Variants in RERE observed in about 807,000 individuals in gnomAD.
RERE encodes arginine-glutamic acid dipeptide repeats protein.
Under a neutral mutation model 146.1 loss-of-function variants are expected in RERE, and 40 were observed. That is an observed-to-expected ratio of 0.27 (90% CI 0.21 to 0.36). The LOEUF is 0.36. RERE is among the 10% of genes least tolerant of loss of function. The pLI is 1.00. For synonymous variants in RERE, 1,003 were observed against 866.0 expected (o/e 1.16, Z -2.78); for missense variants, 1,933 against 2,138.7 (o/e 0.90, Z 1.90).
chr1:8,401,037 CCATATATATATATATATAT>C (rs1643241214), intron 12 of RERE, among the ~76,000 whole-genome samples: 1 of 5,616 alleles, frequency 1.8e-4, no homozygotes, highest in African/African-American at 3.6e-4. Flanking sequence ...AAAAAAAAAA[CCATATATATATATATATAT>C]ATATATATAT....
At chr1:8,463,190 TTCAG>T (rs946024976) in intron 11 of RERE, among the ~76,000 whole-genome samples, 24 of 152,312 alleles carry the variant, frequency 1.6e-4, no homozygotes, top group Admixed American at 1.4e-3. Flanking sequence ...CTCTCAATTA[TTCAG>T]TCAGTCTCTC....
chr1:8,468,318 C>G (rs1401411965), intron 10 of RERE, among the ~76,000 whole-genome samples: 1 of 152,096 alleles, frequency 6.6e-6, no homozygotes, highest in Non-Finnish European at 1.5e-5. Flanking sequence ...ATAAAAAGAT[C>G]TGAAATAAAG....
At chr1:8,657,882 A>G (rs1206666892) in intron 1 of RERE, among the ~76,000 whole-genome samples, 1 of 152,204 alleles carries the variant, frequency 6.6e-6, no homozygotes, top group Non-Finnish European at 1.5e-5. Flanking sequence ...TTAACAAAAC[A>G]TAACAGCTTC....
chr1:8,796,732 G>T (rs1322962887), intron 1 of RERE: 1 of 151,688 alleles, frequency 6.6e-6, no homozygotes, highest in Non-Finnish European at 1.5e-5. Flanking sequence ...AACAGAAGAG[G>T]CATAAAACTA....
intron 10 of RERE, among the ~76,000 whole-genome samples, chr1:8,473,785 T>A (rs1258109657): frequency 6.6e-6 from 1 of 151,988 alleles, no homozygotes; most frequent in Admixed American, 6.6e-5. Context: ...CACAGAAAAA[T>A]GGAAAGTGCT....
chr1:8,600,696 A>G (rs1646610802), intron 4 of RERE, among the ~76,000 whole-genome samples: 1 of 152,122 alleles, frequency 6.6e-6, no homozygotes, highest in South Asian at 2.1e-4. Flanking sequence ...GCATCTTTAA[A>G]TACTAAAAAA....
chr1:8,815,381 A>C (rs1172318724), intron 1 of RERE, among the ~76,000 whole-genome samples: 1 of 152,224 alleles, frequency 6.6e-6, no homozygotes, highest in Non-Finnish European at 1.5e-5. Context: ...ATCTAGAAAG[A>C]CTCTGCTCAC....
intron 1 of RERE, among the ~76,000 whole-genome samples, chr1:8,774,800 C>T (rs181047803): frequency 3.3e-5 from 5 of 152,102 alleles, no homozygotes; most frequent in Admixed American, 6.5e-5. Context: ...CAAACATGAA[C>T]GTGCTCATTC....
At position 8,665,103 on chromosome 1, in the gene RERE, C is replaced by G. The variant is rs113071064; in HGVS notation, c.-144-8662G>C. On this transcript the variant is annotated intron_variant, in intron 1 of 22. Coordinates refer to ENST00000400908, the MANE Select transcript of RERE (RefSeq NM_001042681.2). ...CAGAACACACCACACTCCTTCCTAC[C>G]CAGAGTCCTTTGCTAAGGTTCTTCC... Among the ~76,000 whole-genome samples the G allele has an allele frequency of 9.9e-3, 1,508 of 152,314 alleles. 26 individuals carry two copies. Among genetic ancestry groups the G allele is most frequent in the African/African-American group, 0.035 (1,450 of 41,564 alleles).
chr1:8,485,699 CA>C (rs1644889640), intron 10 of RERE, among the ~76,000 whole-genome samples: 1 of 150,648 alleles, frequency 6.6e-6, no homozygotes, highest in Non-Finnish European at 1.5e-5. Flanking sequence ...GAGAAAGACA[CA>C]AATATTTTAA....
intron 1 of RERE, among the ~76,000 whole-genome samples, chr1:8,703,816 G>A (rs1204468845): frequency 6.6e-6 from 1 of 152,202 alleles, no homozygotes; most frequent in African/African-American, 2.4e-5. Flanking sequence ...AACAATCACA[G>A]ACAAGCTAAA....
chr1:8,520,752 TTTAAAAAA>T (rs918706365), intron 7 of RERE, among the ~76,000 whole-genome samples: 5 of 14,776 alleles, frequency 3.4e-4, no homozygotes, highest in East Asian at 0.036. Context: ...CAAAAAACTT[TTTAAAAAA>T]AAAAAAAAAA....
At chr1:8,711,911 C>T (rs934419829) in intron 1 of RERE, among the ~76,000 whole-genome samples, 5 of 152,026 alleles carry the variant, frequency 3.3e-5, no homozygotes, top group South Asian at 2.1e-4. Context: ...AGTATTATGC[C>T]GCCAATAAAT....
At chr1:8,815,829 T>TTTTG (rs1553152686) in intron 1 of RERE, among the ~76,000 whole-genome samples, 5 of 149,968 alleles carry the variant, frequency 3.3e-5, no homozygotes, top group South Asian at 4.2e-4. Context: ...CAGCTTGGTA[T>TTTTG]TGTGTGTGTG....
At chr1:8,762,486 A>G (rs1640773771) in intron 1 of RERE, among the ~76,000 whole-genome samples, 1 of 152,206 alleles carries the variant, frequency 6.6e-6, no homozygotes, top group African/African-American at 2.4e-5. Flanking sequence ...TGTGAAGACT[A>G]ATCATAATTT....
chr1:8,723,025 C>T (rs975546644), intron 1 of RERE, among the ~76,000 whole-genome samples: 1 of 152,204 alleles, frequency 6.6e-6, no homozygotes, highest in African/African-American at 2.4e-5. Context: ...TCAAAAACTA[C>T]TGACAGCACA....
chr1:8,735,278 C>A (rs1640173552), intron 1 of RERE, among the ~76,000 whole-genome samples: 1 of 152,176 alleles, frequency 6.6e-6, no homozygotes, highest in East Asian at 1.9e-4. Flanking sequence ...AACCTTCCAG[C>A]AGTTAGCATA....
intron 1 of RERE, among the ~76,000 whole-genome samples, chr1:8,678,138 AG>A (rs1324320486): frequency 6.6e-6 from 1 of 152,214 alleles, no homozygotes; most frequent in Admixed American, 6.5e-5. Flanking sequence ...CCACGAGAAC[AG>A]GAACTGTGCC....
chr1:8,595,377 T>G (rs1209758742), intron 4 of RERE, among the ~76,000 whole-genome samples: 1 of 152,072 alleles, frequency 6.6e-6, no homozygotes, highest in Non-Finnish European at 1.5e-5. Flanking sequence ...AAAACTTTTC[T>G]GTTGTCCTGA....
Sources: gnomAD v4.1 joint callset for allele counts (sites outside exome capture counted in the v4.1 genomes callset) on GRCh38, gnomAD v4.1.1 for gene constraint, MANE v1.5 for transcripts, NCBI Gene and HGNC (gene_info 2026-07-23, HGNC 2026-07-21) for gene names.